Variants in PUM1 observed in about 807,000 individuals in gnomAD.
PUM1 encodes the protein pumilio homolog 1.
PUM1 carries 13 observed loss-of-function variants against 131.8 expected under a neutral mutation model. The ratio of observed to expected loss-of-function variants is 0.10; its 90% CI spans 0.06 to 0.16. PUM1 has a LOEUF of 0.16. Ranked by LOEUF, PUM1 falls within the 10% of genes least tolerant of loss-of-function variation. The probability of loss-of-function intolerance (pLI) is 1.00; values close to 1 mark genes in which losing one functional copy is unlikely to be tolerated. For missense variants in PUM1, 961 were observed against 1,512.4 expected (o/e 0.64, Z 6.05); for synonymous variants, 509 against 556.5 (o/e 0.91, Z 1.20).
chr1:31,023,571 T>A (rs1212535372), intron 3 of PUM1, among the ~76,000 whole-genome samples: 2 of 152,276 alleles, frequency 1.3e-5, no homozygotes, highest in East Asian at 1.9e-4. Context: ...AGTATTACCA[T>A]CCCACGAACT....
intron 2 of PUM1, among the ~76,000 whole-genome samples, chr1:31,042,307 A>AAAATAAATAAAT (rs202126375): frequency 9.2e-4 from 127 of 137,806 alleles, no homozygotes; most frequent in African/African-American, 2.8e-3. Context: ...CTCTGTATCA[A>AAAATAAATAAAT]AAATAAATAA....
intron 7 of PUM1, among the ~76,000 whole-genome samples, 199 bp downstream of exon 7, chr1:30,992,191 C>T (rs1641818744): frequency 6.6e-6 from 1 of 152,146 alleles, no homozygotes; most frequent in African/African-American, 2.4e-5. Context: ...AGGACGGTGG[C>T]CTCTTGCCAG....
intron 3 of PUM1, among the ~76,000 whole-genome samples, chr1:31,008,928 C>T (rs1642490848): frequency 6.6e-6 from 1 of 151,592 alleles, no homozygotes; most frequent in Admixed American, 6.6e-5. Flanking sequence ...AATCCTAGCA[C>T]TTTGGGAGGC....
At chr1:31,008,758 A>T (rs1642484903) in intron 3 of PUM1, among the ~76,000 whole-genome samples, 1 of 152,200 alleles carries the variant, frequency 6.6e-6, no homozygotes, top group Non-Finnish European at 1.5e-5. Context: ...CATCACACCT[A>T]GGCAAAACAG....
chr1:30,964,583 G>T (rs1312824338), intron 14 of PUM1, 91 bp downstream of exon 14: 4 of 1,102,920 alleles, frequency 3.6e-6, no homozygotes, highest in South Asian at 1.4e-5. Flanking sequence ...AGTATAAAGG[G>T]ACTGTCCTTT....
chr1:31,044,184 G>A (rs576801669), intron 2 of PUM1, among the ~76,000 whole-genome samples: 32 of 152,148 alleles, frequency 2.1e-4, no homozygotes, highest in African/African-American at 7.5e-4. Context: ...GGTGGATCAC[G>A]AGGTCAGGAG....
In PUM1 at chr1:31,065,690, T is replaced by G. The variant is rs770217517; in HGVS notation, c.-86A>C. On this transcript the variant is annotated 5_prime_UTR_variant, in exon 1 of 22. Coordinates refer to ENST00000426105, the MANE Select transcript of PUM1 (RefSeq NM_001020658.2). Reference sequence around the variant, plus strand: ...TCTGGCGCTCTCGCTCCCCCTTACCTTTCACTCCGACAACATGGCGGCCCA... The same window carrying G: ...TCTGGCGCTCTCGCTCCCCCTTACCGTTCACTCCGACAACATGGCGGCCCA... 1.3e-6 allele frequency: 2 copies of G among 1,549,380 alleles called. No homozygotes were observed. Among genetic ancestry groups the G allele is most frequent in the South Asian group, 2.4e-5 (2 of 84,040 alleles).
At chr1:30,958,494 T>A (rs1640264885) in intron 14 of PUM1, among the ~76,000 whole-genome samples, 1 of 152,144 alleles carries the variant, frequency 6.6e-6, no homozygotes, top group Non-Finnish European at 1.5e-5. Flanking sequence ...TAAGAGTTTT[T>A]AAATGATACA....
chr1:30,933,860 C>T lies in PUM1; in HGVS notation c.3436-518G>A, dbSNP rs115457157. Among the ~76,000 whole-genome samples the T allele has an allele frequency of 3.6e-3, 549 of 152,302 alleles. 4 individuals carry two copies. Among genetic ancestry groups the T allele is most frequent in the African/African-American group, 0.013 (534 of 41,566 alleles). On this transcript the variant is annotated intron_variant, in intron 21 of 21. Coordinates refer to ENST00000426105, the MANE Select transcript of PUM1 (RefSeq NM_001020658.2). ...TGGATCACAGAAAGCTAATCAATGA[C>T]AAGAAGAGAAATGATGAACATCATG...
intron 2 of PUM1, among the ~76,000 whole-genome samples, chr1:31,031,516 A>C (rs532248410): frequency 6.6e-6 from 1 of 152,318 alleles, no homozygotes; most frequent in African/African-American, 2.4e-5. Context: ...AAAGCATAGG[A>C]GGAAACTAAG....
chr1:30,968,532 T>C (rs1273971648), intron 10 of PUM1, 40 bp from the exon 11 acceptor site: 1 of 1,579,572 alleles, frequency 6.3e-7, no homozygotes, highest in Non-Finnish European at 8.5e-7. Flanking sequence ...CACTTTCTTT[T>C]CATTGGAGAA....
chr1:30,975,133 G>C lies in PUM1; in HGVS notation c.1355-331C>G, dbSNP rs145479550. Among the ~76,000 whole-genome samples the C allele has an allele frequency of 7.6e-4, 116 of 152,238 alleles. 1 individual carries two copies. Among genetic ancestry groups the C allele is most frequent in the African/African-American group, 2.6e-3 (110 of 41,538 alleles). On this transcript the variant is annotated intron_variant, in intron 9 of 21. Transcript: ENST00000426105. ...ATAGAGACAATATCTGTTGGTAGAA[G>C]GGAGTAAATGGAGGGTTTGCGTGCT... is the stretch of plus-strand genomic sequence containing the variant.
intron 7 of PUM1, among the ~76,000 whole-genome samples, chr1:30,983,758 ATTT>A (rs386353877): frequency 1.0e-4 from 13 of 129,512 alleles, no homozygotes; most frequent in South Asian, 7.2e-4. Flanking sequence ...CACGCCTGGC[ATTT>A]TTTTTTTTTT....
chr1:31,064,575 C>A (rs969398101), intron 1 of PUM1, among the ~76,000 whole-genome samples: 2 of 151,864 alleles, frequency 1.3e-5, no homozygotes, highest in East Asian at 3.9e-4. Context: ...TAAAACAGAA[C>A]CCAGGAAAAG....
At chr1:31,057,449 G>A (rs1300872937) in intron 2 of PUM1, among the ~76,000 whole-genome samples, 1 of 149,980 alleles carries the variant, frequency 6.7e-6, no homozygotes, top group Non-Finnish European at 1.5e-5. Flanking sequence ...AAAGGGCTGG[G>A]CATGGTGGCT....
In PUM1 at chr1:30,932,478, A is replaced by G. The variant is rs1258897555; in HGVS notation, c.*733T>C. On this transcript the variant is annotated 3_prime_UTR_variant, in exon 22 of 22. Coordinates refer to ENST00000426105, the MANE Select transcript of PUM1 (RefSeq NM_001020658.2). ...GAAAAAAATCCAGTAGGCAGTAAAC[A>G]ATCACACCCGCCCAGCCTCAAAAGA... is the stretch of plus-strand genomic sequence containing the variant. 6.6e-6 allele frequency: 1 copy of G among 151,924 alleles called. No homozygotes were observed. Among genetic ancestry groups the G allele is most frequent in the Non-Finnish European group, 1.5e-5 (1 of 67,978 alleles). 9.4% of individuals were successfully genotyped at this position (151,924 alleles called of 1,614,324 possible). A position where few individuals can be genotyped will look rare whatever the true frequency, so the allele number is the denominator to read the frequency against.
intron 18 of PUM1, 55 bp from the exon 19 acceptor site, chr1:30,942,178 G>C: frequency 2.1e-6 from 2 of 953,126 alleles, no homozygotes; most frequent in Admixed American, 2.2e-5. Context: ...CACCTTCAAT[G>C]CTTCAGTATT....
Position 30,992,412 on chromosome 1 carries a change from A to G in PUM1, c.1136T>C (p.Phe379Ser), listed in dbSNP as rs2124486010. Reference sequence around the variant, plus strand: ...TACCTGTTGTTGAGAATTGTAGTCAAAAAGTCCCACAGTTGCTGCTGCTGA... The same window carrying G: ...TACCTGTTGTTGAGAATTGTAGTCAGAAAGTCCCACAGTTGCTGCTGCTGA... ...VDSAAATVGLFDYNSQQQLFQ... is the reference protein window; with the variant it reads ...VDSAAATVGLSDYNSQQQLFQ... Residue 379 changes from phenylalanine to serine, a missense_variant, in exon 7 of 22, where the codon TTT becomes TCT. Transcript: ENST00000426105. 2 of 1,614,130 alleles carry G rather than the reference A, an allele frequency of 1.2e-6. No homozygotes were observed. The highest frequency in any genetic ancestry group is 1.7e-6 in the Non-Finnish European group (2 of 1,180,006).
intron 2 of PUM1, among the ~76,000 whole-genome samples, chr1:31,058,052 A>G (rs1355464854): frequency 6.6e-6 from 1 of 152,180 alleles, no homozygotes; most frequent in Non-Finnish European, 1.5e-5. Flanking sequence ...GATTCCCACT[A>G]TGGTTTTAGA....
Sources: allele counts gnomAD v4.1 joint callset (sites outside exome capture counted in the v4.1 genomes callset), GRCh38; gene constraint gnomAD v4.1.1; transcripts MANE v1.5; gene names NCBI Gene and HGNC (gene_info 2026-07-23, HGNC 2026-07-21).